Variants in PACSIN1 observed in about 807,000 individuals in gnomAD.
PACSIN1 encodes protein kinase C and casein kinase substrate in neurons 1.
A neutral mutation model predicts 59.5 loss-of-function variants in PACSIN1; 15 were observed. The observed-to-expected ratio is 0.25, with a 90% CI of 0.17 to 0.39. PACSIN1 has a LOEUF of 0.39. PACSIN1 is among the 10% of genes least tolerant of loss of function. The probability of loss-of-function intolerance (pLI) is 1.00; values close to 1 mark genes in which losing one functional copy is unlikely to be tolerated. For synonymous variants in PACSIN1, 210 were observed against 220.6 expected, an observed-to-expected ratio of 0.95 and a Z score of 0.42; for missense variants, 420 against 580.2, an observed-to-expected ratio of 0.72 and a Z score of 2.84.
chr6:34,480,636 G>C lies in PACSIN1; in HGVS notation c.-64+14366G>C, dbSNP rs1292280464. On this transcript the variant is annotated intron_variant, in intron 1 of 9. Transcript: ENST00000244458. The stretch of plus-strand genomic sequence containing the variant: ...TTCTGATTTGTGTCTACTGTGAAAA[G>C]TTCTGCTGGCTTCCATGAAGGGATA... Among the ~76,000 whole-genome samples the C allele has an allele frequency of 2.1e-5, 3 of 145,432 alleles. No individual in the cohort carries two copies. The East Asian group carries it at 5.8e-4, about 28-fold the overall frequency.
intron 1 of PACSIN1, among the ~76,000 whole-genome samples, chr6:34,485,690 T>C (rs1047312095): frequency 8.6e-5 from 13 of 151,334 alleles, no homozygotes; most frequent in Admixed American, 8.6e-4. Context: ...CCAGAGGGAG[T>C]AGACGTTGAG....
At chr6:34,480,792 T>C (rs1000606374) in intron 1 of PACSIN1, among the ~76,000 whole-genome samples, 1 of 152,188 alleles carries the variant, frequency 6.6e-6, no homozygotes, top group Admixed American at 6.5e-5. Context: ...TTCAATCTTA[T>C]AGATAATGTG....
At chr6:34,523,215 A>T (rs141516472) in intron 1 of PACSIN1, among the ~76,000 whole-genome samples, 1 of 152,200 alleles carries the variant, frequency 6.6e-6, no homozygotes, top group South Asian at 2.1e-4. Flanking sequence ...GAGCTCCCAC[A>T]TGCAGTGCTG....
intron 1 of PACSIN1, among the ~76,000 whole-genome samples, chr6:34,468,687 A>C (rs1766530311): frequency 6.6e-6 from 1 of 150,460 alleles, no homozygotes; most frequent in Non-Finnish European, 1.5e-5. Context: ...GTCCACTGAG[A>C]CTCCTTTTTC....
At chr6:34,517,271 T>C (rs772013847) in intron 1 of PACSIN1, among the ~76,000 whole-genome samples, 4 of 152,130 alleles carry the variant, frequency 2.6e-5, no homozygotes, top group Non-Finnish European at 5.9e-5. Flanking sequence ...CTCCTCATTC[T>C]GAGCCCCCAT....
chr6:34,514,809 G>A lies in PACSIN1; in HGVS notation c.-63-11434G>A, dbSNP rs922586772. ...GAGCAGAAGGAGGTGGGTGGCTGGA[G>A]AAGGAGGCGGGTCGGGATCGGGGAG... is the stretch of plus-strand genomic sequence containing the variant. On this transcript the variant is annotated intron_variant, in intron 1 of 9. Coordinates refer to ENST00000244458, the MANE Select transcript of PACSIN1 (RefSeq NM_020804.5). The surrounding 1 kb of genome is among the most constrained non-coding windows in gnomAD (Gnocchi z 4.4). 1.3e-5 allele frequency: 2 copies of A among 152,754 alleles called. No individual in the cohort carries two copies. Among genetic ancestry groups the A allele is most frequent in the African/African-American group, 4.8e-5 (2 of 41,480 alleles). The allele number at this position is 152,754 out of a possible 1,614,324, so 9.5% of individuals were successfully genotyped here. A position where few individuals can be genotyped will look rare whatever the true frequency, so the allele number is the denominator to read the frequency against.
chr6:34,508,108 T>TGTTTGTTTG (rs1243077245), intron 1 of PACSIN1, among the ~76,000 whole-genome samples: 8 of 152,220 alleles, frequency 5.3e-5, no homozygotes, highest in Admixed American at 1.3e-4. Context: ...TTTTTTTGTT[T>TGTTTGTTTG]GTTTGTTTGT....
At chr6:34,498,739 G>A (rs1766982343) in intron 1 of PACSIN1, among the ~76,000 whole-genome samples, 1 of 148,386 alleles carries the variant, frequency 6.7e-6, no homozygotes, top group Non-Finnish European at 1.5e-5. Flanking sequence ...CATGGCTGCA[G>A]TGAGCTGTGA....
chr6:34,527,225 G>A, intron 2 of PACSIN1, 107 bp from the exon 3 acceptor site: 3 of 1,165,860 alleles, frequency 2.6e-6, no homozygotes, highest in African/African-American at 1.6e-5. Context: ...GAGGCCGTAA[G>A]CGGGGAGGCG....
intron 1 of PACSIN1, among the ~76,000 whole-genome samples, chr6:34,487,762 G>C: frequency 6.6e-6 from 1 of 152,166 alleles, no homozygotes; most frequent in East Asian, 1.9e-4. Flanking sequence ...TGACGAGGTG[G>C]CTCCCTTCAG....
rs112462683 is a variant in PACSIN1 at position 34,498,535 on chromosome 6, C to A, written c.-63-27708C>A. On this transcript the variant is annotated intron_variant, in intron 1 of 9. Transcript: ENST00000244458. ...TGTCCCGGCTGGGCACAGTGGCTCA[C>A]ACCTGTAATCCCAGCACTTTGGGAG... Among the ~76,000 whole-genome samples the A allele has an allele frequency of 7.9e-3, 1,208 of 152,200 alleles. 17 individuals carry two copies. Among genetic ancestry groups the A allele is most frequent in the African/African-American group, 0.028 (1,145 of 41,522 alleles).
Position 34,531,764 on chromosome 6 carries a change from A to C in PACSIN1, c.1202A>C (p.Gln401Pro), listed in dbSNP as rs778406832. The C allele has an allele frequency of 5.7e-6, 9 of 1,580,170 alleles. No homozygotes were observed. The highest frequency in any genetic ancestry group is 7.8e-6 in the Non-Finnish European group (9 of 1,160,852). ...RALYDYDGQE[Q>P]DELSFKAGDE... ...CTCTACGACTATGACGGCCAGGAGC[A>C]GGACGAGCTCAGCTTTAAGGCCGGT... is the stretch of plus-strand genomic sequence containing the variant. Residue 401 changes from glutamine to proline, a missense_variant, in exon 9 of 10, where the codon CAG becomes CCG. By Grantham distance (76) the Gln-to-Pro change is moderately conservative. Transcript: ENST00000244458. The surrounding 1 kb of genome is among the most constrained non-coding windows in gnomAD (Gnocchi z 4.4).
At position 34,532,425 on chromosome 6, in the gene PACSIN1, C is replaced by A. The variant is rs1035752345; in HGVS notation, c.1230C>A (p.Asp410Glu). Reference protein sequence around the residue: ...EQDELSFKAGDELTKLGEEDE... With the variant: ...EQDELSFKAGEELTKLGEEDE... ...TCCCTGTGTTCTCTTTCCCAGGAGA[C>A]GAACTCACCAAGCTGGGCGAGGAGG... Residue 410 changes from aspartate to glutamate, a missense_variant, in exon 10 of 10, where the codon GAC becomes GAA. Coordinates refer to ENST00000244458, the MANE Select transcript of PACSIN1 (RefSeq NM_020804.5). This position sits in a 1 kb window ranked among gnomAD's most constrained non-coding sequence, Gnocchi z 5.2. 1 of 1,566,242 alleles carries A rather than the reference C, an allele frequency of 6.4e-7. No individual in the cohort carries two copies. Among genetic ancestry groups the A allele is most frequent in the Non-Finnish European group, 8.7e-7 (1 of 1,154,628 alleles).
intron 1 of PACSIN1, among the ~76,000 whole-genome samples, chr6:34,493,402 C>T (rs1285889489): frequency 6.6e-6 from 1 of 152,162 alleles, no homozygotes; most frequent in East Asian, 1.9e-4. Flanking sequence ...GTGGCCTGGG[C>T]ACTCATTTCT....
intron 1 of PACSIN1, among the ~76,000 whole-genome samples, chr6:34,491,631 G>A (rs1057424499): frequency 1.0e-4 from 15 of 149,440 alleles, no homozygotes; most frequent in Non-Finnish European, 2.2e-4. Flanking sequence ...TTTTTTTTGA[G>A]GCGAAGTTTC....
intron 1 of PACSIN1, among the ~76,000 whole-genome samples, chr6:34,496,808 G>A (rs1766953578): frequency 6.6e-6 from 1 of 152,036 alleles, no homozygotes; most frequent in Non-Finnish European, 1.5e-5. Context: ...AGGCTTTGGA[G>A]CTGGATACAA....
chr6:34,507,639 G>A (rs1341355001), intron 1 of PACSIN1, among the ~76,000 whole-genome samples: 1 of 151,730 alleles, frequency 6.6e-6, no homozygotes, highest in East Asian at 1.9e-4. Context: ...ATGTTGTGCA[G>A]CAGATCTCTG....
intron 1 of PACSIN1, among the ~76,000 whole-genome samples, chr6:34,479,527 C>T (rs1316610892): frequency 6.6e-6 from 1 of 152,220 alleles, no homozygotes; most frequent in Non-Finnish European, 1.5e-5. Flanking sequence ...GCTCAATCTC[C>T]TGGGCTCAAG....
Position 34,532,521 on chromosome 6 carries a change from G to T in PACSIN1, c.1326G>T (p.Glu442Asp). 1 of 1,548,294 alleles carries T rather than the reference G, an allele frequency of 6.5e-7. No individual in the cohort carries two copies. The highest frequency in any genetic ancestry group is 8.7e-7 in the Non-Finnish European group (1 of 1,144,112). ...QLGLYPANYV[E>D]AI ...GCCTCTACCCTGCCAACTACGTGGAGGCTATCTAGAGGCCCCCTCCCTCCA... is the reference window on the plus strand; with the variant it reads ...GCCTCTACCCTGCCAACTACGTGGATGCTATCTAGAGGCCCCCTCCCTCCA... Residue 442 changes from glutamate (E) to aspartate (D), a missense_variant, in exon 10 of 10, where the codon GAG becomes GAT. Glu to Asp is a conservative substitution (Grantham distance 45). Transcript: ENST00000244458. The surrounding 1 kb of genome is among the most constrained non-coding windows in gnomAD (Gnocchi z 5.2).
Sources: allele counts gnomAD v4.1 joint callset (sites outside exome capture counted in the v4.1 genomes callset), GRCh38; gene constraint gnomAD v4.1.1; non-coding constraint Gnocchi (gnomAD v3.1); transcripts MANE v1.5; gene names NCBI Gene and HGNC (gene_info 2026-07-23, HGNC 2026-07-21).